The following CBLB variants were observed in gnomAD, a reference collection of about 807,000 sequenced individuals.
The protein encoded by CBLB is E3 ubiquitin-protein ligase CBL-B.
CBLB carries 31 observed loss-of-function variants against 104.9 expected under a neutral mutation model. That is an observed-to-expected ratio of 0.30 (90% CI 0.22 to 0.40). The LOEUF (loss-of-function observed/expected upper bound fraction) is 0.40, where lower values mean the gene tolerates loss of function less well. CBLB is among the 10% of genes least tolerant of loss of function. The pLI, the probability that CBLB is intolerant of heterozygous loss-of-function variation, is 1.00. For synonymous variants in CBLB, 440 were observed against 422.6 expected, an observed-to-expected ratio of 1.04 and a Z score of -0.51; for missense variants, 1,062 against 1,214.6, an observed-to-expected ratio of 0.87 and a Z score of 1.87.
intron 4 of CBLB, among the ~76,000 whole-genome samples, chr3:105,765,006 A>C: frequency 6.6e-6 from 1 of 152,196 alleles, no homozygotes; most frequent in Non-Finnish European, 1.5e-5. Flanking sequence ...AACTAGCAGA[A>C]ATTTGTTTAT....
chr3:105,733,079 A>AT (rs1473717817), intron 9 of CBLB, among the ~76,000 whole-genome samples: 2 of 152,148 alleles, frequency 1.3e-5, no homozygotes, highest in Non-Finnish European at 2.9e-5. Flanking sequence ...GAAATATAAG[A>AT]AAGCCCTTGG....
chr3:105,813,240 C>A (rs1181906184), intron 3 of CBLB, among the ~76,000 whole-genome samples: 1 of 151,920 alleles, frequency 6.6e-6, no homozygotes, highest in Non-Finnish European at 1.5e-5. Context: ...AGAAGGAAGT[C>A]AAATTAACTA....
In CBLB at chr3:105,711,604, G is replaced by T. The variant is rs2301039; in HGVS notation, c.1408-7431C>A. Among the ~76,000 whole-genome samples the T allele has an allele frequency of 6.2e-3, 939 of 152,110 alleles. 31 individuals carry two copies. Among genetic ancestry groups the T allele is most frequent in the East Asian group, 0.051 (262 of 5,176 alleles). ...GATAATAAACAAAAGCTTATATGAA[G>T]AATATTGTGTTAGAGCAATACAATC... On this transcript the variant is annotated intron_variant, in intron 10 of 18. Coordinates refer to ENST00000394030, the MANE Select transcript of CBLB (RefSeq NM_170662.5).
At chr3:105,868,612 C>T (rs1706568835) in intron 1 of CBLB, 124 bp downstream of exon 1, 3 of 587,770 alleles carry the variant, frequency 5.1e-6, no homozygotes, top group Non-Finnish European at 6.6e-6. Context: ...AACTGGACGG[C>T]GGCGGCAAAG....
intron 9 of CBLB, chr3:105,724,091 G>C (rs2073268887): frequency 1.1e-5 from 2 of 174,268 alleles, no homozygotes; most frequent in South Asian, 4.0e-4. Flanking sequence ...AATTATAACT[G>C]GAAAAATTAT....
At chr3:105,868,442 C>A in intron 1 of CBLB, 1 of 379,008 alleles carries the variant, frequency 2.6e-6, no homozygotes, top group Non-Finnish European at 4.6e-6. Context: ...CTCCCGTGCC[C>A]GCAGCACCGT....
chr3:105,806,195 TA>T (rs938914494), intron 3 of CBLB, among the ~76,000 whole-genome samples: 12 of 152,290 alleles, frequency 7.9e-5, no homozygotes, highest in African/African-American at 2.4e-4. Flanking sequence ...ATTCTGGGTT[TA>T]AAAACTCAGA....
intron 3 of CBLB, among the ~76,000 whole-genome samples, chr3:105,796,207 T>C (rs552506420): frequency 7.0e-4 from 106 of 152,226 alleles, no homozygotes; most frequent in Admixed American, 1.6e-3. Flanking sequence ...TACAGGGCTA[T>C]AGTAACCAAA....
chr3:105,819,641 A>G (rs73854894), intron 3 of CBLB, among the ~76,000 whole-genome samples: 17,833 of 152,246 alleles, frequency 0.12, 1,274 homozygotes, highest in East Asian at 0.41. Context: ...ATGTGATATC[A>G]TCAGAACTTT....
intron 4 of CBLB, among the ~76,000 whole-genome samples, chr3:105,770,684 G>A (rs914798554): frequency 1.3e-5 from 2 of 152,136 alleles, no homozygotes; most frequent in African/African-American, 4.8e-5. Context: ...CTGGGAAGAC[G>A]AAGAGGGGCA....
intron 3 of CBLB, among the ~76,000 whole-genome samples, chr3:105,798,362 T>C (rs1417574774): frequency 6.6e-6 from 1 of 152,230 alleles, no homozygotes; most frequent in Non-Finnish European, 1.5e-5. Context: ...TTTCTGTTTT[T>C]TGTTTTCTCT....
chr3:105,722,214 A>AAAAAG lies in CBLB; in HGVS notation c.1204-1969_1204-1965dup, dbSNP rs1559959174. Reference sequence around the variant, plus strand: ...ACCCCGTGCCAAAAAAAAAAAAAAAAAAAAGAAAAGAAAAGAAAAAAAGAA... The same window carrying AAAAAG: ...ACCCCGTGCCAAAAAAAAAAAAAAAAAAAAGAAAAGAAAAGAAAAGAAAAAAAGAA... On this transcript the variant is annotated intron_variant, in intron 9 of 18. Transcript: ENST00000394030. 1.5e-4 allele frequency among the ~76,000 whole-genome samples: 23 copies of AAAAAG among 150,488 alleles called. 1 individual carries two copies. Among genetic ancestry groups the AAAAAG allele is most frequent in the Non-Finnish European group, 2.8e-4 (19 of 67,524 alleles).
chr3:105,737,135 C>G, intron 8 of CBLB, 36 bp downstream of exon 8: 3 of 1,076,692 alleles, frequency 2.8e-6, no homozygotes, highest in Middle Eastern at 2.0e-4. Context: ...ATTATGGATA[C>G]TTATTTAATT....
At chr3:105,682,812 G>A (rs916288862) in intron 14 of CBLB, among the ~76,000 whole-genome samples, 5 of 152,040 alleles carry the variant, frequency 3.3e-5, no homozygotes, top group Non-Finnish European at 7.4e-5. Flanking sequence ...CAAATTATTG[G>A]TATTAATTCT....
At chr3:105,801,992 T>TA (rs1420219947) in intron 3 of CBLB, among the ~76,000 whole-genome samples, 1 of 152,192 alleles carries the variant, frequency 6.6e-6, no homozygotes, top group East Asian at 1.9e-4. Flanking sequence ...AATGAAAGTA[T>TA]ATATACATTT....
intron 10 of CBLB, among the ~76,000 whole-genome samples, chr3:105,705,514 G>C (rs1029902519): frequency 6.6e-6 from 1 of 152,100 alleles, no homozygotes; most frequent in Admixed American, 6.6e-5. Context: ...GTAAAGTACT[G>C]GTTAGAGATT....
intron 4 of CBLB, among the ~76,000 whole-genome samples, chr3:105,755,928 C>T (rs2077042625): frequency 1.3e-5 from 2 of 152,138 alleles, no homozygotes; most frequent in Admixed American, 1.3e-4. Context: ...GAAAAGTGTT[C>T]ATGGGATACT....
intron 7 of CBLB, 35 bp downstream of exon 7, chr3:105,740,459 T>C: frequency 6.2e-7 from 1 of 1,611,866 alleles, no homozygotes. Flanking sequence ...AATTCATGAA[T>C]CATAAGCACT....
At chr3:105,811,373 T>C (rs945274661) in intron 3 of CBLB, among the ~76,000 whole-genome samples, 10 of 152,232 alleles carry the variant, frequency 6.6e-5, no homozygotes, top group African/African-American at 1.9e-4. Flanking sequence ...GACAGCAATA[T>C]AGAGTTTAAA....
Sources: allele counts gnomAD v4.1 joint callset (sites outside exome capture counted in the v4.1 genomes callset), GRCh38; gene constraint gnomAD v4.1.1; transcripts MANE v1.5; gene names NCBI Gene and HGNC (gene_info 2026-07-23, HGNC 2026-07-21).